Variants in DDX50 observed in about 807,000 individuals in gnomAD.
DDX50 encodes the protein DExD-box helicase 50.
Under a neutral mutation model 94.8 loss-of-function variants are expected in DDX50, and 56 were observed. The ratio of observed to expected loss-of-function variants is 0.59; its 90% CI spans 0.48 to 0.74. DDX50 has a LOEUF of 0.74. Among genes scored for constraint, DDX50 ranks in the 30% least tolerant of loss-of-function variants. The pLI is 0.00. For missense variants in DDX50, 713 were observed against 881.2 expected (o/e 0.81, Z 2.42); for synonymous variants, 264 against 295.4 (o/e 0.89, Z 1.09).
intron 1 of DDX50, among the ~76,000 whole-genome samples, chr10:68,902,793 TTA>T (rs1262226463): frequency 6.6e-6 from 1 of 152,234 alleles, no homozygotes. Flanking sequence ...AAGGCCTAGT[TTA>T]TGTCTTTCCT....
At position 68,946,202 on chromosome 10, in the gene DDX50, A is replaced by G. The variant is rs899757034; in HGVS notation, c.1936-150A>G. The G allele has an allele frequency of 2.8e-5, 26 of 941,278 alleles. No homozygotes were observed. In the African/African-American group the frequency reaches 4.0e-4, roughly 14 times the overall value. 58.3% of individuals were successfully genotyped at this position (941,278 alleles called of 1,614,324 possible). A position where few individuals can be genotyped will look rare whatever the true frequency, so the allele number is the denominator to read the frequency against. ...TCGAAAATTGAAAATATTTTTGCTT[A>G]TTTTCTGGTTTTCATTTTTGTTCCA... is the stretch of plus-strand genomic sequence containing the variant. On this transcript the variant is annotated intron_variant, in intron 14 of 14. Transcript: ENST00000373585.
chr10:68,901,385 A>ATGCC lies in DDX50; in HGVS notation c.4_7dup (p.Gly3?). 1.3e-6 allele frequency: 2 copies of ATGCC among 1,545,032 alleles called. No individual in the cohort carries two copies. The highest frequency in any genetic ancestry group is 1.7e-6 in the Non-Finnish European group (2 of 1,145,046). ...CGGAGGGAGGCGGCGGTGGCCAGTA[A>ATGCC]TGCCTGGGAAACTCCTCTGGGGGGA... On this transcript the variant is annotated frameshift_variant and start_lost, in exon 1 of 15. Transcript: ENST00000373585. LOFTEE classifies it high-confidence loss of function.
Position 68,934,431 on chromosome 10 carries a change from TGCTTGGGATGTG to T in DDX50, c.1401+72_1401+83del. The T allele has an allele frequency of 6.3e-7, 1 of 1,582,690 alleles. No individual in the cohort carries two copies. The highest frequency in any genetic ancestry group is 1.9e-5 in the Admixed American group (1 of 53,192). On this transcript the variant is annotated intron_variant, in intron 9 of 14. Transcript: ENST00000373585. This position sits in a 1 kb window ranked among gnomAD's most constrained non-coding sequence, Gnocchi z 4.0. ...AATTCCCATTTAATTTACAACATAT[TGCTTGGGATGTG>T]AAAAATATGTCATCTCTTCTTGCTC...
intron 8 of DDX50, among the ~76,000 whole-genome samples, chr10:68,920,942 C>A (rs1435827930): frequency 2.9e-5 from 2 of 68,902 alleles, no homozygotes; most frequent in African/African-American, 6.8e-5. Context: ...AGTGAGACTC[C>A]ATCTCAAAAA....
In DDX50 at chr10:68,922,087, CTTT is replaced by C. The variant is rs567920594; in HGVS notation, c.1239+2107_1239+2109del. Among the ~76,000 whole-genome samples the C allele has an allele frequency of 2.7e-4, 41 of 152,252 alleles. No individual in the cohort carries two copies. In the South Asian group the frequency reaches 8.3e-3, roughly 31 times the overall value. ...GTTTTACAGTTGCTTTGGTTTTCTT[CTTT>C]AAGGACTCTTGTTGTGCATATATTG... On this transcript the variant is annotated intron_variant, in intron 8 of 14. Coordinates refer to ENST00000373585, the MANE Select transcript of DDX50 (RefSeq NM_024045.2).
At chr10:68,906,466 T>C in intron 1 of DDX50, 1 of 375,950 alleles carries the variant, frequency 2.7e-6, no homozygotes, top group Non-Finnish European at 4.7e-6. Flanking sequence ...TTTCCTTAAA[T>C]CTTATGATGG....
chr10:68,918,934 C>G (rs1238589535), intron 7 of DDX50, among the ~76,000 whole-genome samples: 2 of 152,090 alleles, frequency 1.3e-5, no homozygotes, highest in Non-Finnish European at 2.9e-5. Flanking sequence ...CAGTTTTTAT[C>G]TTTTATGCCA....
intron 8 of DDX50, among the ~76,000 whole-genome samples, chr10:68,922,547 C>T (rs1841968865): frequency 6.6e-6 from 1 of 152,056 alleles, no homozygotes; most frequent in Non-Finnish European, 1.5e-5. Context: ...GTAATCTCAG[C>T]ACTCTGGGAT....
intron 12 of DDX50, among the ~76,000 whole-genome samples, chr10:68,938,092 T>C (rs930192238): frequency 6.6e-6 from 1 of 152,230 alleles, no homozygotes; most frequent in Non-Finnish European, 1.5e-5. Flanking sequence ...TGAAAATGTC[T>C]GTCTGTCTGG....
Position 68,913,466 on chromosome 10 carries a change from G to A in DDX50, c.833G>A (p.Arg278Gln), listed in dbSNP as rs769234398. The change falls in exon 6 of 15, where the codon CGA (arginine) becomes CAA (glutamine). Residue 278 changes from arginine (R) to glutamine (Q), a missense_variant. Transcript: ENST00000373585. ...ATCAAAGACCATCTGCAGAGTGGCC[G>A]ATTGGATCTTTCTAAACTGCGACAT... ...GRIKDHLQSG[R>Q]LDLSKLRHVV... 1.1e-5 allele frequency: 17 copies of A among 1,613,978 alleles called. No individual in the cohort carries two copies. The highest frequency in any genetic ancestry group is 3.3e-5 in the South Asian group (3 of 91,078).
chr10:68,939,676 C>T (rs887300585), intron 12 of DDX50, among the ~76,000 whole-genome samples: 1 of 152,118 alleles, frequency 6.6e-6, no homozygotes, highest in Non-Finnish European at 1.5e-5. Context: ...TCCTCCTTTA[C>T]TTCATTCTGG....
rs541575921 is a variant in DDX50 at position 68,903,232 on chromosome 10, A to C, written c.87+1761A>C. Among the ~76,000 whole-genome samples, 7 of 152,188 alleles carry C rather than the reference A, an allele frequency of 4.6e-5. No homozygotes were observed. In the South Asian group the frequency reaches 1.5e-3, roughly 32 times the overall value. ...AGAGTTTTGTAGAGACCCTGTCTCT[A>C]CAAAAAATAAAAAAATTAGCCGGGT... On this transcript the variant is annotated intron_variant, in intron 1 of 14. Coordinates refer to ENST00000373585, the MANE Select transcript of DDX50 (RefSeq NM_024045.2).
At chr10:68,910,994 G>A (rs1589251299) in intron 3 of DDX50, 74 bp from the exon 4 acceptor site, 1 of 1,167,126 alleles carries the variant, frequency 8.6e-7, no homozygotes, top group East Asian at 2.6e-5. Context: ...AATTATGATT[G>A]TCATTTTCAA....
chr10:68,903,977 GAA>G (rs755101958), intron 1 of DDX50, among the ~76,000 whole-genome samples: 4 of 84,574 alleles, frequency 4.7e-5, no homozygotes, highest in Admixed American at 1.4e-4. Flanking sequence ...CTCCGTCTCA[GAA>G]AAAAAAAAAA....
intron 8 of DDX50, among the ~76,000 whole-genome samples, chr10:68,922,868 A>C (rs1315909346): frequency 3.4e-5 from 5 of 147,956 alleles, no homozygotes; most frequent in Admixed American, 2.7e-4. Context: ...GCTCACTGCA[A>C]CCTCTGTCTG....
chr10:68,910,209 A>C, intron 2 of DDX50, 98 bp from the exon 3 acceptor site: 2 of 1,054,198 alleles, frequency 1.9e-6, no homozygotes. Context: ...AAAGTGTTCC[A>C]CTAATTTTCC....
At chr10:68,921,055 C>G (rs2132037977) in intron 8 of DDX50, among the ~76,000 whole-genome samples, 1 of 151,144 alleles carries the variant, frequency 6.6e-6, no homozygotes, top group Non-Finnish European at 1.5e-5. Flanking sequence ...ATTCATCCAC[C>G]AGCTTCAGTA....
chr10:68,901,646 C>T (rs1841290528), intron 1 of DDX50, among the ~76,000 whole-genome samples, 175 bp downstream of exon 1: 1 of 152,192 alleles, frequency 6.6e-6, no homozygotes, highest in African/African-American at 2.4e-5. Context: ...CTCCACCCTC[C>T]CGACCTGGAG....
chr10:68,929,632 G>T (rs1205540240), intron 8 of DDX50, among the ~76,000 whole-genome samples: 1 of 151,326 alleles, frequency 6.6e-6, no homozygotes, highest in Non-Finnish European at 1.5e-5. Context: ...CACCATTTTG[G>T]CCAGGATAGT....
Sources: allele counts gnomAD v4.1 joint callset (sites outside exome capture counted in the v4.1 genomes callset), GRCh38; gene constraint gnomAD v4.1.1; non-coding constraint Gnocchi (gnomAD v3.1); transcripts MANE v1.5; gene names NCBI Gene and HGNC (gene_info 2026-07-23, HGNC 2026-07-21).